The following ADGRL2 variants were observed in gnomAD, a reference collection of about 807,000 sequenced individuals.
ADGRL2 encodes calcium-independent alpha-latrotoxin receptor 2.
A neutral mutation model predicts 157.4 loss-of-function variants in ADGRL2; 44 were observed. The observed-to-expected ratio is 0.28, with a 90% confidence interval of 0.22 to 0.36. ADGRL2 has a LOEUF of 0.36. Ranked by LOEUF, ADGRL2 falls within the 10% of genes least tolerant of loss-of-function variation. The pLI, the probability that ADGRL2 is intolerant of heterozygous loss-of-function variation, is 1.00. For missense variants in ADGRL2, 1,510 were observed against 1,768.9 expected (o/e 0.85, Z 2.63); for synonymous variants, 585 against 624.7 (o/e 0.94, Z 0.95).
intron 2 of ADGRL2, among the ~76,000 whole-genome samples, chr1:81,526,271 T>C (rs1452647233): frequency 6.6e-6 from 1 of 152,220 alleles, no homozygotes; most frequent in East Asian, 1.9e-4. Context: ...TGGGAATTAA[T>C]GTCTAGTGAG....
chr1:81,434,905 T>C (rs749380451), intron 1 of ADGRL2, among the ~76,000 whole-genome samples: 2 of 152,130 alleles, frequency 1.3e-5, no homozygotes, highest in African/African-American at 2.4e-5. Flanking sequence ...GTAAAATCTG[T>C]GAAATCAGGC....
At chr1:81,865,474 T>C (rs994413154) in intron 2 of ADGRL2, among the ~76,000 whole-genome samples, 2 of 152,232 alleles carry the variant, frequency 1.3e-5, no homozygotes, top group African/African-American at 4.8e-5. Flanking sequence ...AAAAATATCC[T>C]CTTCACTTAC....
chr1:81,921,748 CA>C (rs1322795756), intron 3 of ADGRL2, among the ~76,000 whole-genome samples: 1 of 152,176 alleles, frequency 6.6e-6, no homozygotes, highest in Non-Finnish European at 1.5e-5. Context: ...AAAGCTTCTA[CA>C]AACTGCTTGT....
At chr1:81,656,154 G>T (rs1396278696) in intron 3 of ADGRL2, among the ~76,000 whole-genome samples, 1 of 152,094 alleles carries the variant, frequency 6.6e-6, no homozygotes, top group Non-Finnish European at 1.5e-5. Context: ...TTATGGAGAG[G>T]ATGTCTCCTG....
chr1:81,650,055 T>TA (rs56088299), intron 3 of ADGRL2, among the ~76,000 whole-genome samples: 50,008 of 143,302 alleles, frequency 0.35, 8,494 homozygotes, highest in Non-Finnish European at 0.36. Context: ...CACCTATTCT[T>TA]AAAAAAAAAA....
chr1:81,856,599 T>G (rs1371236912), intron 2 of ADGRL2, among the ~76,000 whole-genome samples: 1 of 152,178 alleles, frequency 6.6e-6, no homozygotes, highest in Non-Finnish European at 1.5e-5. Context: ...TGGTGATTTA[T>G]TAAATATATC....
chr1:81,936,738 C>G lies in ADGRL2; in HGVS notation c.298C>G (p.Arg100Gly). ...CATTTTGTTTTTCAGGTGCAACAAT[C>G]GAACACAGTGTATAGTAGTTACTGG... is the stretch of plus-strand genomic sequence containing the variant. ...FKIMTQRCNN[R>G]TQCIVVTGSD... The change falls in exon 4 of 24, where the codon CGA becomes GGA. Residue 100 changes from arginine to glycine, a missense_variant. Around this residue, in one of 4 missense-constraint regions of ADGRL2, gnomAD observed 361 missense variants for 498.4 expected, o/e 0.72. Transcript: ENST00000686636. 3 of 1,579,684 alleles carry G rather than the reference C, an allele frequency of 1.9e-6. No individual in the cohort carries two copies. Among genetic ancestry groups the G allele is most frequent in the Non-Finnish European group, 2.6e-6 (3 of 1,156,316 alleles).
chr1:81,776,445 C>T (rs369559540), intron 2 of ADGRL2, among the ~76,000 whole-genome samples: 15 of 152,256 alleles, frequency 9.9e-5, no homozygotes, highest in African/African-American at 3.6e-4. Context: ...CCTCGGCCTC[C>T]CAAAGTGCTG....
At chr1:81,700,137 C>T (rs910522653) in intron 1 of ADGRL2, among the ~76,000 whole-genome samples, 1 of 152,118 alleles carries the variant, frequency 6.6e-6, no homozygotes, top group African/African-American at 2.4e-5. Context: ...GTTTTAGTAG[C>T]CACCTTTATT....
intron 2 of ADGRL2, among the ~76,000 whole-genome samples, chr1:81,574,902 A>G (rs2080767556): frequency 6.6e-6 from 1 of 152,228 alleles, no homozygotes; most frequent in African/African-American, 2.4e-5. Context: ...ATTACCAGAT[A>G]CCTTAGAATA....
At chr1:81,695,125 G>A (rs1176402953), upstream of ADGRL2, among the ~76,000 whole-genome samples, 1 of 152,038 alleles carries the variant, frequency 6.6e-6, no homozygotes, top group Non-Finnish European at 1.5e-5. Flanking sequence ...GTCTCTTCTA[G>A]ATAGGGTAAA....
intron 2 of ADGRL2, among the ~76,000 whole-genome samples, chr1:81,848,413 C>T (rs554782111): frequency 1.3e-5 from 2 of 151,770 alleles, no homozygotes; most frequent in Non-Finnish European, 2.9e-5. Flanking sequence ...CTAAGGCCTG[C>T]AGATTGTTCC....
chr1:81,684,058 G>A (rs903861659), intron 3 of ADGRL2, among the ~76,000 whole-genome samples: 8 of 151,918 alleles, frequency 5.3e-5, no homozygotes, highest in Non-Finnish European at 7.4e-5. Flanking sequence ...CTCGTGATCC[G>A]CCTGCCTCAG....
At chr1:81,910,185 G>A (rs952991025) in intron 3 of ADGRL2, among the ~76,000 whole-genome samples, 4 of 151,262 alleles carry the variant, frequency 2.6e-5, no homozygotes, top group African/African-American at 9.7e-5. Flanking sequence ...GGTTGCAGTG[G>A]CCAAGATCAC....
At chr1:81,508,602 A>C (rs1193920990) in intron 2 of ADGRL2, among the ~76,000 whole-genome samples, 1 of 152,196 alleles carries the variant, frequency 6.6e-6, no homozygotes, top group African/African-American at 2.4e-5. Context: ...GAAAATGATT[A>C]AGGATTTCAA....
chr1:81,616,197 G>A (rs975332573), intron 3 of ADGRL2, among the ~76,000 whole-genome samples: 11 of 152,124 alleles, frequency 7.2e-5, no homozygotes, highest in Non-Finnish European at 1.0e-4. Flanking sequence ...AAGCCATACC[G>A]TGACAATTCT....
At chr1:81,927,086 TA>T (rs1251156217) in intron 3 of ADGRL2, among the ~76,000 whole-genome samples, 1 of 152,038 alleles carries the variant, frequency 6.6e-6, no homozygotes, top group African/African-American at 2.4e-5. Context: ...TTTGTGTTTA[TA>T]AATTCTGGCA....
chr1:81,825,913 G>A (rs984206386), intron 1 of ADGRL2, among the ~76,000 whole-genome samples: 2 of 152,086 alleles, frequency 1.3e-5, no homozygotes, highest in Admixed American at 1.3e-4. Context: ...AATCAGCTTT[G>A]AGATTTTTGC....
intron 11 of ADGRL2, among the ~76,000 whole-genome samples, chr1:81,965,275 C>T (rs1656711238): frequency 6.6e-6 from 1 of 152,126 alleles, no homozygotes; most frequent in Non-Finnish European, 1.5e-5. Context: ...ATTTAACTGG[C>T]ATTGTAGCAC....
Sources: gnomAD v4.1 joint callset for allele counts (sites outside exome capture counted in the v4.1 genomes callset) on GRCh38, gnomAD v4.1.1 for gene constraint, gnomAD v4.1.1 regional missense constraint, MANE v1.5 for transcripts, NCBI Gene and HGNC (gene_info 2026-07-23, HGNC 2026-07-21) for gene names.